The following SYNE3 variants were observed in gnomAD, a reference collection of about 807,000 sequenced individuals.
SYNE3 encodes nesprin-3.
A neutral mutation model predicts 111.2 loss-of-function variants in SYNE3; 100 were observed. That is an observed-to-expected ratio of 0.90 (90% CI 0.77 to 1.06). The LOEUF (loss-of-function observed/expected upper bound fraction) is 1.06, where lower values mean the gene tolerates loss of function less well. Among genes scored for constraint, SYNE3 ranks in the 50% least tolerant of loss-of-function variants. The pLI is 0.00. For synonymous variants in SYNE3, 547 were observed against 533.9 expected (o/e 1.02, Z -0.34); for missense variants, 1,160 against 1,240.3 (o/e 0.94, Z 0.97).
At chr14:95,516,286 T>G (rs988913405) in intron 1 of SYNE3, 3 of 152,078 alleles carry the variant, frequency 2.0e-5, no homozygotes, top group Admixed American at 1.3e-4. Context: ...TGGGGCGCGC[T>G]GCCCGGGGCT....
At chr14:95,479,001 C>T (rs1414790515) in intron 1 of SYNE3, among the ~76,000 whole-genome samples, 1 of 152,062 alleles carries the variant, frequency 6.6e-6, no homozygotes, top group Non-Finnish European at 1.5e-5. Context: ...TGGTCAAGTC[C>T]CCATGACTCA....
intron 1 of SYNE3, among the ~76,000 whole-genome samples, chr14:95,493,520 C>T (rs915156183): frequency 6.6e-6 from 1 of 152,246 alleles, no homozygotes; most frequent in Non-Finnish European, 1.5e-5. Flanking sequence ...GACACCATTT[C>T]AGCATCCCTA....
At chr14:95,492,118 A>T (rs998791228) in intron 1 of SYNE3, among the ~76,000 whole-genome samples, 4 of 152,260 alleles carry the variant, frequency 2.6e-5, no homozygotes, top group Non-Finnish European at 5.9e-5. Flanking sequence ...TCAAAGGAAG[A>T]TAATAACCAG....
chr14:95,511,235 C>T (rs1362865270), intron 1 of SYNE3, among the ~76,000 whole-genome samples: 1 of 152,148 alleles, frequency 6.6e-6, no homozygotes, highest in African/African-American at 2.4e-5. Flanking sequence ...ATCAAGTACG[C>T]CTGCAAAAAA....
At position 95,445,933 on chromosome 14, in the gene SYNE3, G is replaced by A. The variant is rs759005888; in HGVS notation, c.1608C>T (p.Leu536=). Residue 536 remains leucine (L), a synonymous_variant, in exon 9 of 18, where the codon CTC becomes CTT. Transcript: ENST00000682763. ...MRDRDLLHNS[L]LQRKSKLQSL... is the part of the protein sequence containing the mutation. Reference sequence around the variant, plus strand: ...CCTGCAGTTTGCTTTTCCTCTGCAGGAGGCTGTTATGCAGCAGGTCTCTGT... The same window carrying A: ...CCTGCAGTTTGCTTTTCCTCTGCAGAAGGCTGTTATGCAGCAGGTCTCTGT... 5 of 1,613,908 alleles carry A rather than the reference G, an allele frequency of 3.1e-6. No individual in the cohort carries two copies. In the South Asian group the frequency reaches 3.3e-5, roughly 11 times the overall value.
chr14:95,473,585 C>T (rs115975074), intron 2 of SYNE3, among the ~76,000 whole-genome samples: 421 of 152,212 alleles, frequency 2.8e-3, no homozygotes, highest in African/African-American at 9.3e-3. Context: ...GGAAGGTCTA[C>T]GAGGTCTTCT....
In SYNE3 at chr14:95,444,697, C is replaced by G. The variant is rs531497600; in HGVS notation, c.1633-69G>C. 18 of 1,477,868 alleles carry G rather than the reference C, an allele frequency of 1.2e-5. No homozygotes were observed. The African/African-American group carries it at 1.3e-4, about 10-fold the overall frequency. The allele number at this position is 1,477,868 out of a possible 1,614,324, so 91.5% of individuals were successfully genotyped here. On this transcript the variant is annotated intron_variant, in intron 9 of 17. Coordinates refer to ENST00000682763, the MANE Select transcript of SYNE3 (RefSeq NM_152592.6). ...TGAGCACCGTGTTGTGAGACCCGAC[C>G]CGTTCAGCCAGGCTGCTCTTCGTCT... is the stretch of plus-strand genomic sequence containing the variant.
rs1890071228 is a variant in SYNE3 at position 95,495,896 on chromosome 14, A to T, written c.-14-20061T>A. On this transcript the variant is annotated intron_variant, in intron 1 of 17. Transcript: ENST00000682763. ...CTGGGACAAGCCCGAGGGGCCAGTG[A>T]GGCTTGGGGTTATGGCAGCTGGGCC... Among the ~76,000 whole-genome samples, 3 of 152,204 alleles carry T rather than the reference A, an allele frequency of 2.0e-5. No homozygotes were observed. In the South Asian group the frequency reaches 6.2e-4, roughly 31 times the overall value.
At chr14:95,439,810 A>G (rs1042473343) in intron 12 of SYNE3, 26 bp from the exon 13 acceptor site, 1 of 1,601,164 alleles carries the variant, frequency 6.2e-7, no homozygotes, top group African/African-American at 1.3e-5. Context: ...ACACACAGAC[A>G]CACACACGGT....
rs767375655 is a variant in SYNE3 at position 95,439,645 on chromosome 14, C to T, written c.2213G>A (p.Arg738Gln). ...EELRELAESW[R>Q]ALRLLEESLL... is the part of the protein sequence containing the mutation. ...ACTTTCTTCCAGCAGCCTCAAGGCCCGCCACGACTCTGCCAGCTCCCTGAG... is the reference window on the plus strand; with the variant it reads ...ACTTTCTTCCAGCAGCCTCAAGGCCTGCCACGACTCTGCCAGCTCCCTGAG... Residue 738 changes from arginine (R) to glutamine (Q), a missense_variant, in exon 13 of 18, where the codon CGG becomes CAG. Physicochemically the swap from Arg to Gln is conservative, Grantham distance 43. Transcript: ENST00000682763. 7.1e-5 allele frequency: 114 copies of T among 1,612,958 alleles called. No homozygotes were observed. The Admixed American group carries it at 9.2e-4, about 13-fold the overall frequency.
In SYNE3 at chr14:95,462,955, A is replaced by C. The variant is rs1201373; in HGVS notation, c.627+2976T>G. ...CGGATCACCTGAGGTCGGGAGTTTG[A>C]GACCAGCCTGACCAACATGGAGAGA... On this transcript the variant is annotated intron_variant, in intron 4 of 17. Transcript: ENST00000682763. 5.3e-3 allele frequency among the ~76,000 whole-genome samples: 801 copies of C among 152,272 alleles called. 8 individuals are homozygous for C. The highest frequency in any genetic ancestry group is 0.031 in the Middle Eastern group (9 of 294).
chr14:95,472,786 C>T (rs979020245), intron 2 of SYNE3, among the ~76,000 whole-genome samples: 5 of 152,166 alleles, frequency 3.3e-5, no homozygotes, highest in African/African-American at 7.2e-5. Flanking sequence ...CCCCACCCCA[C>T]GAGGATTCTG....
chr14:95,493,366 A>T (rs1178078157), intron 1 of SYNE3, among the ~76,000 whole-genome samples: 1 of 152,196 alleles, frequency 6.6e-6, no homozygotes, highest in African/African-American at 2.4e-5. Context: ...AAGGAAACTG[A>T]GGCTCAGAGA....
chr14:95,494,973 G>T (rs988391657), intron 1 of SYNE3, among the ~76,000 whole-genome samples: 1 of 152,134 alleles, frequency 6.6e-6, no homozygotes, highest in African/African-American at 2.4e-5. Flanking sequence ...TCAGTTGGGC[G>T]TGGTGGCAGG....
chr14:95,435,065 T>C (rs1369609636), intron 15 of SYNE3, among the ~76,000 whole-genome samples: 1 of 152,166 alleles, frequency 6.6e-6, no homozygotes, highest in Non-Finnish European at 1.5e-5. Flanking sequence ...GCAGAAATAA[T>C]ATACAACAGA....
At chr14:95,450,271 T>C in intron 7 of SYNE3, 166 bp from the exon 8 acceptor site, 2 of 788,970 alleles carry the variant, frequency 2.5e-6, no homozygotes, top group Non-Finnish European at 3.9e-6. Context: ...ACAGAAGATG[T>C]AGCTGGAAGG....
intron 1 of SYNE3, among the ~76,000 whole-genome samples, chr14:95,480,252 C>A (rs896928828): frequency 6.6e-6 from 1 of 152,192 alleles, no homozygotes; most frequent in Non-Finnish European, 1.5e-5. Context: ...CCCACTGAGT[C>A]AGTGAGAGGG....
intron 9 of SYNE3, 118 bp downstream of exon 9, chr14:95,445,791 G>A: frequency 2.7e-6 from 3 of 1,105,878 alleles, no homozygotes; most frequent in South Asian, 1.4e-5. Flanking sequence ...ATACACCCAG[G>A]GCCACACAGT....
intron 1 of SYNE3, among the ~76,000 whole-genome samples, chr14:95,501,483 C>G (rs535118611): frequency 6.6e-6 from 1 of 152,200 alleles, no homozygotes; most frequent in Non-Finnish European, 1.5e-5. Flanking sequence ...CCAGGTGCCA[C>G]GTGCAGCAGA....
Sources: gnomAD v4.1 joint callset for allele counts (sites outside exome capture counted in the v4.1 genomes callset) on GRCh38, gnomAD v4.1.1 for gene constraint, MANE v1.5 for transcripts, NCBI Gene and HGNC (gene_info 2026-07-23, HGNC 2026-07-21) for gene names.